SPON1: variants seen among roughly 807,000 people sequenced by gnomAD.
The protein encoded by SPON1 is spondin-1.
Under a neutral mutation model 111.7 loss-of-function variants are expected in SPON1, and 52 were observed. The ratio of observed to expected loss-of-function variants is 0.47; its 90% CI spans 0.37 to 0.59. The LOEUF is 0.59. Among genes scored for constraint, SPON1 ranks in the 20% least tolerant of loss-of-function variants. The pLI, the probability that SPON1 is intolerant of heterozygous loss-of-function variation, is 0.00. For missense variants in SPON1, 957 were observed against 1,068.5 expected (o/e 0.90, Z 1.46); for synonymous variants, 410 against 395.8 (o/e 1.04, Z -0.43).
rs782722160 is a variant in SPON1 at position 14,041,653 on chromosome 11, A to G, written c.478A>G (p.Lys160Glu). Residue 160 changes from lysine (K) to glutamate (E), a missense_variant and splice_region_variant, in exon 3 of 16, where the codon AAG becomes GAG. This residue lies in a region of SPON1 where 262 missense variants were observed against 253.9 expected (regional missense o/e 1.03). Transcript: ENST00000576479. ...PPAGTGCVIL[K>E]ASIVQKRIIY... The stretch of plus-strand genomic sequence containing the variant: ...AGCGGGAACAGGCTGCGTGATTCTG[A>G]AGTAAGTAAACATGGAATCCTTCCC... The G allele has an allele frequency of 3.7e-6, 6 of 1,613,756 alleles. No homozygotes were observed. The Admixed American group carries it at 5.0e-5, about 13-fold the overall frequency.
At chr11:14,059,589 C>T (rs1421119058) in intron 3 of SPON1, among the ~76,000 whole-genome samples, 2 of 152,150 alleles carry the variant, frequency 1.3e-5, no homozygotes, top group Admixed American at 6.5e-5. Flanking sequence ...GGGGCTGGCA[C>T]ATGAATATTC....
rs1554941831 is a variant in SPON1, at chr11:14,260,697, T to C, written c.1941T>C (p.Leu647=). The change falls in exon 14 of 16, where the codon CTT becomes CTC. Residue 647 remains leucine (L), a synonymous_variant. Coordinates refer to ENST00000576479, the MANE Select transcript of SPON1 (RefSeq NM_006108.4). ...RQRMLKSLAE[L]GDCNEDLEQV... is the part of the protein sequence containing the mutation. ...GGATGCTCAAGTCTCTGGCAGAACT[T>C]GGAGACTGCAATGAGGATCTGGAGC... is the stretch of plus-strand genomic sequence containing the variant. 1 of 1,613,942 alleles carries C rather than the reference T, an allele frequency of 6.2e-7. No individual in the cohort carries two copies. The highest frequency in any genetic ancestry group is 1.1e-5 in the South Asian group (1 of 91,074).
intron 3 of SPON1, among the ~76,000 whole-genome samples, chr11:14,044,366 CT>C: frequency 6.6e-6 from 1 of 152,296 alleles, no homozygotes; most frequent in East Asian, 1.9e-4. Flanking sequence ...AATCCCAGCA[CT>C]TTGGGAGGCT....
intron 2 of SPON1, among the ~76,000 whole-genome samples, chr11:14,001,307 C>T (rs1554912413): frequency 6.6e-6 from 1 of 152,194 alleles, no homozygotes; most frequent in East Asian, 1.9e-4. Context: ...TGAATTTTAA[C>T]CCCAGGAGCC....
chr11:14,254,971 G>C (rs562506120), intron 8 of SPON1, among the ~76,000 whole-genome samples: 35 of 152,216 alleles, frequency 2.3e-4, no homozygotes, highest in Non-Finnish European at 4.3e-4. Flanking sequence ...GCAGGGGACA[G>C]CATTCCAAAG....
At chr11:14,172,236 C>T (rs1362323237) in intron 6 of SPON1, among the ~76,000 whole-genome samples, 1 of 151,978 alleles carries the variant, frequency 6.6e-6, no homozygotes, top group Non-Finnish European at 1.5e-5. Context: ...GATCCCTTTA[C>T]TATTATGTAA....
chr11:13,994,833 T>C (rs557758674), intron 2 of SPON1, among the ~76,000 whole-genome samples: 4 of 152,284 alleles, frequency 2.6e-5, no homozygotes, highest in Admixed American at 6.5e-5. Context: ...CATAGGAGCA[T>C]AGTGGCCAGA....
chr11:14,152,127 C>T, intron 6 of SPON1, among the ~76,000 whole-genome samples: 1 of 152,130 alleles, frequency 6.6e-6, no homozygotes, highest in East Asian at 1.9e-4. Context: ...TCTGGAATCA[C>T]CCCTCCATCT....
At chr11:14,131,379 C>T (rs1554927493) in intron 5 of SPON1, among the ~76,000 whole-genome samples, 2 of 152,150 alleles carry the variant, frequency 1.3e-5, no homozygotes, top group African/African-American at 4.8e-5. Flanking sequence ...GATCATCATC[C>T]TAACACCTAT....
chr11:14,070,560 G>A (rs989633737), intron 3 of SPON1, among the ~76,000 whole-genome samples: 4 of 152,154 alleles, frequency 2.6e-5, no homozygotes, highest in Admixed American at 6.5e-5. Context: ...GATATTTACC[G>A]TGTGCAACAC....
At chr11:14,104,332 T>A (rs1480641108) in intron 5 of SPON1, among the ~76,000 whole-genome samples, 1 of 152,004 alleles carries the variant, frequency 6.6e-6, no homozygotes, top group African/African-American at 2.4e-5. Flanking sequence ...TTATAGTTAA[T>A]TTGTTTTTTT....
intron 6 of SPON1, 47 bp from the exon 7 acceptor site, chr11:14,243,285 C>A: frequency 6.5e-7 from 1 of 1,531,638 alleles, no homozygotes; most frequent in South Asian, 1.2e-5. Context: ...CTATTGTTCC[C>A]ATGAGCCCAG....
chr11:14,048,441 C>G (rs1554918087), intron 3 of SPON1, among the ~76,000 whole-genome samples: 1 of 152,194 alleles, frequency 6.6e-6, no homozygotes, highest in African/African-American at 2.4e-5. Context: ...GATGACAGCT[C>G]TGAAGCCCAC....
At chr11:14,236,215 G>T (rs1451123373) in intron 6 of SPON1, among the ~76,000 whole-genome samples, 1 of 152,156 alleles carries the variant, frequency 6.6e-6, no homozygotes, top group African/African-American at 2.4e-5. Context: ...AGCGATGATG[G>T]TGGCTTGGAT....
intron 6 of SPON1, among the ~76,000 whole-genome samples, chr11:14,205,309 T>C (rs1228776826): frequency 1.3e-5 from 2 of 152,194 alleles, no homozygotes; most frequent in African/African-American, 2.4e-5. Flanking sequence ...TCATAGAATA[T>C]AGAGTCCCTG....
intron 2 of SPON1, among the ~76,000 whole-genome samples, chr11:14,017,492 T>C (rs1363646935): frequency 6.6e-6 from 1 of 152,228 alleles, no homozygotes; most frequent in Admixed American, 6.5e-5. Flanking sequence ...ATGCAGCTTT[T>C]ATTCTTAGAG....
At chr11:14,133,533 G>A (rs1320237508) in intron 5 of SPON1, among the ~76,000 whole-genome samples, 5 of 152,192 alleles carry the variant, frequency 3.3e-5, no homozygotes, top group African/African-American at 1.2e-4. Flanking sequence ...AGAGCATATG[G>A]TAATTCTGCA....
chr11:14,038,873 A>C (rs532479491), intron 2 of SPON1, among the ~76,000 whole-genome samples: 19 of 152,346 alleles, frequency 1.2e-4, no homozygotes, highest in African/African-American at 4.6e-4. Context: ...TAAAAATTTT[A>C]TGTCCACCCA....
chr11:14,029,067 G>C (rs2133807492), intron 2 of SPON1, among the ~76,000 whole-genome samples: 1 of 152,042 alleles, frequency 6.6e-6, no homozygotes, highest in Admixed American at 6.6e-5. Flanking sequence ...TTCTCACCTG[G>C]AAGATGAGGC....
Sources: gnomAD v4.1 joint callset for allele counts (sites outside exome capture counted in the v4.1 genomes callset) on GRCh38, gnomAD v4.1.1 for gene constraint, gnomAD v4.1.1 regional missense constraint, MANE v1.5 for transcripts, NCBI Gene and HGNC (gene_info 2026-07-23, HGNC 2026-07-21) for gene names.